Variants in PARD3B observed in about 807,000 individuals in gnomAD.
PARD3B encodes partitioning defective 3 homolog B.
Under a neutral mutation model 130.2 loss-of-function variants are expected in PARD3B, and 103 were observed. The observed-to-expected ratio is 0.79, with a 90% CI of 0.67 to 0.93. PARD3B has a LOEUF of 0.93. Ranked by LOEUF, PARD3B falls within the 40% of genes least tolerant of loss-of-function variation. PARD3B has a pLI of 0.00. For synonymous variants in PARD3B, 583 were observed against 553.2 expected (o/e 1.05, Z -0.76); for missense variants, 1,609 against 1,499.2 (o/e 1.07, Z -1.21).
In PARD3B at chr2:205,421,884, G is replaced by A. The variant is rs146857452; in HGVS notation, c.2742-18486G>A. 2.4e-4 allele frequency among the ~76,000 whole-genome samples: 37 copies of A among 152,160 alleles called. No homozygotes were observed. Among genetic ancestry groups the A allele is most frequent in the South Asian group, 8.3e-4 (4 of 4,816 alleles). The stretch of plus-strand genomic sequence containing the variant: ...GTGCATCTCTCCAATCTCTGCTTCC[G>A]TTGTCACTTGGCCTTCTCTCTCAGA... On this transcript the variant is annotated intron_variant, in intron 19 of 22. Transcript: ENST00000406610. This position sits in a 1 kb window ranked among gnomAD's most constrained non-coding sequence, Gnocchi z 5.1.
intron 18 of PARD3B, among the ~76,000 whole-genome samples, chr2:205,320,243 TGAAGGAAGGAAG>T (rs1036952688): frequency 3.6e-5 from 5 of 139,372 alleles, no homozygotes; most frequent in Admixed American, 2.9e-4. Context: ...AAGGAAGGAA[TGAAGGAAGGAAG>T]GAAGGAAAGA....
At chr2:205,385,073 G>A (rs977317294) in intron 18 of PARD3B, among the ~76,000 whole-genome samples, 9 of 152,014 alleles carry the variant, frequency 5.9e-5, no homozygotes, top group Non-Finnish European at 1.3e-4. Flanking sequence ...AGGCTGATAG[G>A]ATTTCTTAGT....
intron 19 of PARD3B, among the ~76,000 whole-genome samples, chr2:205,435,040 C>T (rs372729165): frequency 2.0e-4 from 31 of 152,120 alleles, no homozygotes; most frequent in African/African-American, 7.5e-4. Flanking sequence ...CATACCTGCA[C>T]ATGTACCCCC....
intron 2 of PARD3B, among the ~76,000 whole-genome samples, chr2:204,691,412 A>G (rs2037346822): frequency 6.6e-6 from 1 of 152,112 alleles, no homozygotes; most frequent in Non-Finnish European, 1.5e-5. Flanking sequence ...GTTTGGAGAG[A>G]TGCCAGTGGT....
chr2:205,176,657 A>T lies in PARD3B; in HGVS notation c.1924+80A>T. 2 of 1,136,874 alleles carry T rather than the reference A, an allele frequency of 1.8e-6. No individual in the cohort carries two copies. Among genetic ancestry groups the T allele is most frequent in the Non-Finnish European group, 2.4e-6 (2 of 830,998 alleles). 70.4% of individuals were successfully genotyped at this position (1,136,874 alleles called of 1,614,324 possible). A position where few individuals can be genotyped will look rare whatever the true frequency, so the allele number is the denominator to read the frequency against. ...TCTTTTTATCTAAAAAAAAAAAAAA[A>T]GAGTAAAGGGGAGTTAATTAGACTA... On this transcript the variant is annotated intron_variant, in intron 13 of 22. Coordinates refer to ENST00000406610, the MANE Select transcript of PARD3B (RefSeq NM_001302769.2). The surrounding 1 kb of genome is among the most constrained non-coding windows in gnomAD (Gnocchi z 5.3).
intron 20 of PARD3B, among the ~76,000 whole-genome samples, chr2:205,467,106 G>A (rs566142967): frequency 6.6e-6 from 1 of 152,308 alleles, no homozygotes; most frequent in Non-Finnish European, 1.5e-5. Flanking sequence ...AAGCACAAAG[G>A]TTTCTAGAAT....
At chr2:204,618,098 C>T (rs773619116) in intron 1 of PARD3B, among the ~76,000 whole-genome samples, 59 of 152,312 alleles carry the variant, frequency 3.9e-4, no homozygotes, top group Middle Eastern at 3.4e-3. Flanking sequence ...TCTTCCAATG[C>T]CCATGGACAG....
At chr2:205,303,452 G>T (rs1332678836) in intron 18 of PARD3B, among the ~76,000 whole-genome samples, 1 of 152,008 alleles carries the variant, frequency 6.6e-6, no homozygotes, top group African/African-American at 2.4e-5. Flanking sequence ...TCCTTACCCC[G>T]GCTGGTAGAC....
At position 205,592,763 on chromosome 2, in the gene PARD3B, G is replaced by A. The variant is rs2054433533; in HGVS notation, c.3261-22693G>A. 6.6e-6 allele frequency among the ~76,000 whole-genome samples: 1 copy of A among 152,212 alleles called. No homozygotes were observed. Among genetic ancestry groups the A allele is most frequent in the South Asian group, 2.1e-4 (1 of 4,826 alleles). On this transcript the variant is annotated intron_variant, in intron 22 of 22. Transcript: ENST00000406610. This position sits in a 1 kb window ranked among gnomAD's most constrained non-coding sequence, Gnocchi z 4.5. ...AGAAGTAAAGGATCAGGAAGAAGCG[G>A]CATCTGGAACAAGTACAGATGGCCA...
chr2:205,455,240 A>T (rs899232584), intron 20 of PARD3B, among the ~76,000 whole-genome samples: 1 of 152,070 alleles, frequency 6.6e-6, no homozygotes, highest in Non-Finnish European at 1.5e-5. Flanking sequence ...CCTACATCAG[A>T]GTGTTATTAC....
chr2:204,850,909 G>A (rs138972722), intron 2 of PARD3B, among the ~76,000 whole-genome samples: 2 of 152,334 alleles, frequency 1.3e-5, no homozygotes, highest in African/African-American at 2.4e-5. Flanking sequence ...ACTGAATGCT[G>A]TACAAGGAAT....
Position 205,300,440 on chromosome 2 carries a change from G to C in PARD3B, c.2186-90G>C. ...CACCCACTTAACACCCCTTTTTTGG[G>C]ATGTCCAGACAGAAATATTCTTAGA... On this transcript the variant is annotated intron_variant, in intron 16 of 22. Coordinates refer to ENST00000406610, the MANE Select transcript of PARD3B (RefSeq NM_001302769.2). The surrounding 1 kb of genome is among the most constrained non-coding windows in gnomAD (Gnocchi z 4.1). The C allele has an allele frequency of 8.1e-7, 1 of 1,240,626 alleles. No homozygotes were observed. Among genetic ancestry groups the C allele is most frequent in the Non-Finnish European group, 1.2e-6 (1 of 866,780 alleles). 76.9% of individuals were successfully genotyped at this position (1,240,626 alleles called of 1,614,324 possible).
chr2:205,278,436 G>A (rs1211174976), intron 16 of PARD3B, among the ~76,000 whole-genome samples: 1 of 152,148 alleles, frequency 6.6e-6, no homozygotes, highest in Non-Finnish European at 1.5e-5. Context: ...ATAAGGCTAA[G>A]AAGACAGGTT....
At chr2:205,027,332 A>G (rs1365079226) in intron 3 of PARD3B, among the ~76,000 whole-genome samples, 1 of 151,960 alleles carries the variant, frequency 6.6e-6, no homozygotes, top group African/African-American at 2.4e-5. Context: ...GCACCTTTTT[A>G]TATATCTGTT....
intron 2 of PARD3B, among the ~76,000 whole-genome samples, chr2:204,942,037 T>C (rs556089618): frequency 1.3e-5 from 2 of 152,186 alleles, no homozygotes; most frequent in Non-Finnish European, 2.9e-5. Flanking sequence ...TTTCAGGTAA[T>C]GTTCAATATG....
Position 205,565,697 on chromosome 2 carries a change from C to A in PARD3B, c.3260+12294C>A, listed in dbSNP as rs542468449. Among the ~76,000 whole-genome samples the A allele has an allele frequency of 4.6e-5, 7 of 152,238 alleles. No homozygotes were observed. In the South Asian group the frequency reaches 1.2e-3, roughly 27 times the overall value. Reference sequence around the variant, plus strand: ...AATGTGTGCAACTTATTAGCCTGAACAGATGAGCTAGGAAAGTCATCTACT... The same window carrying A: ...AATGTGTGCAACTTATTAGCCTGAAAAGATGAGCTAGGAAAGTCATCTACT... On this transcript the variant is annotated intron_variant, in intron 22 of 22. Coordinates refer to ENST00000406610, the MANE Select transcript of PARD3B (RefSeq NM_001302769.2).
chr2:205,546,147 G>A (rs1443863763), intron 21 of PARD3B, among the ~76,000 whole-genome samples: 1 of 152,178 alleles, frequency 6.6e-6, no homozygotes, highest in Non-Finnish European at 1.5e-5. Context: ...AAGCCCTCCT[G>A]ATAGGCTTGT....
chr2:204,721,745 A>G (rs969593218), intron 2 of PARD3B, among the ~76,000 whole-genome samples: 1 of 152,158 alleles, frequency 6.6e-6, no homozygotes, highest in Non-Finnish European at 1.5e-5. Flanking sequence ...CTAGTAAATT[A>G]TGTGATTCCT....
intron 22 of PARD3B, among the ~76,000 whole-genome samples, chr2:205,581,253 T>C (rs2053956235): frequency 7.5e-6 from 1 of 134,100 alleles, no homozygotes; most frequent in Non-Finnish European, 1.5e-5. Flanking sequence ...TATATATAGA[T>C]ATATATAGAT....
Sources: allele counts gnomAD v4.1 joint callset (sites outside exome capture counted in the v4.1 genomes callset), GRCh38; gene constraint gnomAD v4.1.1; non-coding constraint Gnocchi (gnomAD v3.1); transcripts MANE v1.5; gene names NCBI Gene and HGNC (gene_info 2026-07-23, HGNC 2026-07-21).